C19orf38: variants seen among roughly 807,000 people sequenced by gnomAD.
C19orf38 encodes chromosome 19 open reading frame 38, also known as protein HIDE1.
In C19orf38, 14 loss-of-function variants were observed where a neutral mutation model predicts 26.6. The observed-to-expected ratio is 0.53, with a 90% CI of 0.35 to 0.82. The LOEUF (loss-of-function observed/expected upper bound fraction) is 0.82, where lower values mean the gene tolerates loss of function less well. C19orf38 is among the 40% of genes least tolerant of loss of function. C19orf38 has a pLI of 0.01. For missense variants in C19orf38, 261 were observed against 299.5 expected (o/e 0.87, Z 0.95); for synonymous variants, 132 against 128.5 (o/e 1.03, Z -0.18).
chr19:10,843,736 G>A (rs534738229), upstream of C19orf38, among the ~76,000 whole-genome samples: 7 of 152,270 alleles, frequency 4.6e-5, no homozygotes, highest in African/African-American at 1.7e-4. Flanking sequence ...TATTTATGAT[G>A]TGCCAAGCAT....
At chr19:10,856,537 T>C (rs1288390844) in intron 3 of C19orf38, among the ~76,000 whole-genome samples, 180 bp downstream of exon 3, 3 of 152,200 alleles carry the variant, frequency 2.0e-5, no homozygotes, top group Non-Finnish European at 4.4e-5. Context: ...AGAGGCTCGC[T>C]CTGTCGCCCA....
chr19:10,852,025 G>A (rs187568942), intron 2 of C19orf38, among the ~76,000 whole-genome samples: 277 of 151,504 alleles, frequency 1.8e-3, no homozygotes, highest in African/African-American at 6.0e-3. Flanking sequence ...GGTGGCATGC[G>A]TGTGTAATCC....
At position 10,850,287 on chromosome 19, in the gene C19orf38, C is replaced by G. The variant is rs2073556286; in HGVS notation, c.60C>G (p.Ile20Met). The stretch of plus-strand genomic sequence containing the variant: ...CCTTGGCGATCCCAGCACCATCCAT[C>G]CGGCTGGTGCCCCCGTACCCAAGCA... ...AGSLAIPAPS[I>M]RLVPPYPSSQ... Residue 20 changes from isoleucine (I) to methionine (M), a missense_variant, in exon 2 of 7, where the codon ATC (isoleucine) becomes ATG (methionine). Physicochemically the swap from Ile to Met is conservative, Grantham distance 10. Coordinates refer to ENST00000397820, the MANE Select transcript of C19orf38 (RefSeq NM_001136482.3). 3.2e-6 allele frequency: 5 copies of G among 1,550,732 alleles called. No individual in the cohort carries two copies. Among genetic ancestry groups the G allele is most frequent in the Non-Finnish European group, 3.5e-6 (4 of 1,146,950 alleles).
chr19:10,852,750 G>C (rs902066331), intron 2 of C19orf38, among the ~76,000 whole-genome samples: 2 of 152,062 alleles, frequency 1.3e-5, no homozygotes, highest in African/African-American at 2.4e-5. Context: ...GGAGGATCGT[G>C]GGGGGTCTTG....
chr19:10,862,210 T>G (rs946999573), intron 5 of C19orf38, among the ~76,000 whole-genome samples: 4 of 148,078 alleles, frequency 2.7e-5, no homozygotes, highest in African/African-American at 7.5e-5. Context: ...TGTTTTTTTT[T>G]TTTTTTTTTT....
At chr19:10,865,005 A>G (rs1291683609) in intron 6 of C19orf38, among the ~76,000 whole-genome samples, 2 of 152,308 alleles carry the variant, frequency 1.3e-5, no homozygotes, top group East Asian at 3.9e-4. Flanking sequence ...CAGCCCTCTG[A>G]GGTCTCTGCT....
At chr19:10,853,059 A>T (rs2073588442) in intron 2 of C19orf38, among the ~76,000 whole-genome samples, 1 of 151,848 alleles carries the variant, frequency 6.6e-6, no homozygotes, top group African/African-American at 2.4e-5. Context: ...AAAAAAAAAA[A>T]AAATTATTTT....
chr19:10,842,308 T>A, intron 1 of C19orf38: 1 of 745,032 alleles, frequency 1.3e-6, no homozygotes, highest in East Asian at 2.8e-5. Context: ...TCACCCAGGC[T>A]GGAGTGCAGT....
chr19:10,869,427 C>A lies in C19orf38; in HGVS notation c.*60C>A. 1.3e-6 allele frequency: 2 copies of A among 1,484,760 alleles called. No individual in the cohort carries two copies. Among genetic ancestry groups the A allele is most frequent in the South Asian group, 1.3e-5 (1 of 76,584 alleles). 92.0% of individuals were successfully genotyped at this position (1,484,760 alleles called of 1,614,324 possible). ...ATTCGGGGGCCTGAGGTCCCTCCAG[C>A]TACTTCTGGGGGGGCTCTGTCAGCC... is the stretch of plus-strand genomic sequence containing the variant. On this transcript the variant is annotated 3_prime_UTR_variant, in exon 7 of 7. Transcript: ENST00000397820.
intron 1 of C19orf38, chr19:10,841,805 T>C: frequency 8.9e-7 from 1 of 1,127,816 alleles, no homozygotes. Context: ...AGATCCCATC[T>C]CCACAAAAAC....
intron 1 of C19orf38, among the ~76,000 whole-genome samples, chr19:10,842,849 C>A (rs1475221830): frequency 6.6e-6 from 1 of 152,244 alleles, no homozygotes; most frequent in African/African-American, 2.4e-5. Context: ...CCCCCTACCA[C>A]CCGCAAGGGC....
intron 2 of C19orf38, among the ~76,000 whole-genome samples, chr19:10,854,464 G>A (rs749252212): frequency 9.8e-5 from 15 of 152,290 alleles, no homozygotes; most frequent in Admixed American, 3.3e-4. Context: ...TGTCCTTCCC[G>A]GCCTCAGGCT....
upstream of C19orf38, among the ~76,000 whole-genome samples, chr19:10,847,926 C>A (rs2073531158): frequency 6.6e-6 from 1 of 152,106 alleles, no homozygotes; most frequent in Non-Finnish European, 1.5e-5. Context: ...GGCACGGTGG[C>A]TCACGCCTGA....
At chr19:10,845,876 CAAAAAA>C (rs967662038), upstream of C19orf38, among the ~76,000 whole-genome samples, 1 of 72,520 alleles carries the variant, frequency 1.4e-5, no homozygotes. Context: ...AAGACTCCGT[CAAAAAA>C]AAAAAAAAAA....
At chr19:10,858,442 C>A in intron 4 of C19orf38, 99 bp downstream of exon 4, 1 of 1,177,406 alleles carries the variant, frequency 8.5e-7, no homozygotes. Flanking sequence ...ACAGCGCCTC[C>A]TGGTGGGCAT....
intron 5 of C19orf38, among the ~76,000 whole-genome samples, chr19:10,861,863 C>T (rs977345415): frequency 2.0e-5 from 3 of 152,074 alleles, no homozygotes; most frequent in Non-Finnish European, 4.4e-5. Flanking sequence ...CAGGCAATTA[C>T]AGGCGTGAGC....
chr19:10,855,225 G>A (rs1239399229), intron 2 of C19orf38, among the ~76,000 whole-genome samples: 1 of 151,612 alleles, frequency 6.6e-6, no homozygotes, highest in Non-Finnish European at 1.5e-5. Context: ...TAGAGACGAG[G>A]TTTCACTATG....
chr19:10,860,771 G>A (rs1052926683), intron 5 of C19orf38, among the ~76,000 whole-genome samples: 5 of 150,094 alleles, frequency 3.3e-5, no homozygotes, highest in African/African-American at 9.8e-5. Flanking sequence ...AACCCAGGAG[G>A]CAGAGCTTGC....
intron 1 of C19orf38, among the ~76,000 whole-genome samples, chr19:10,840,855 G>A (rs527365970): frequency 1.3e-5 from 2 of 152,236 alleles, no homozygotes; most frequent in Admixed American, 6.5e-5. Flanking sequence ...AGCTGGTCTC[G>A]AACTCCTGAC....
Sources: allele counts gnomAD v4.1 joint callset (sites outside exome capture counted in the v4.1 genomes callset), GRCh38; gene constraint gnomAD v4.1.1; transcripts MANE v1.5; gene names NCBI Gene and HGNC (gene_info 2026-07-23, HGNC 2026-07-21).